UTRN: variants seen among roughly 807,000 people sequenced by gnomAD.
UTRN encodes dystrophin-related protein 1.
Under a neutral mutation model 463.9 loss-of-function variants are expected in UTRN, and 283 were observed. The ratio of observed to expected loss-of-function variants is 0.61; its 90% CI spans 0.55 to 0.67. UTRN has a LOEUF of 0.67. UTRN is among the 30% of genes least tolerant of loss of function. The probability of loss-of-function intolerance (pLI) is 0.00; values close to 1 mark genes in which losing one functional copy is unlikely to be tolerated. For synonymous variants in UTRN, 1,442 were observed against 1,431.5 expected, an observed-to-expected ratio of 1.01 and a Z score of -0.17; for missense variants, 3,922 against 4,084.3, an observed-to-expected ratio of 0.96 and a Z score of 1.08.
chr6:144,420,203 A>G (rs903335847), intron 3 of UTRN, among the ~76,000 whole-genome samples: 1 of 152,242 alleles, frequency 6.6e-6, no homozygotes, highest in African/African-American at 2.4e-5. Flanking sequence ...TATTATTGAC[A>G]GGAAGTGGGA....
chr6:144,531,997 C>T (rs1797103162), intron 42 of UTRN, among the ~76,000 whole-genome samples: 1 of 151,970 alleles, frequency 6.6e-6, no homozygotes, highest in Non-Finnish European at 1.5e-5. Flanking sequence ...ATTAGCCGGG[C>T]ATGGTGGAAC....
intron 66 of UTRN, among the ~76,000 whole-genome samples, chr6:144,824,127 A>G (rs1779832162): frequency 6.6e-6 from 1 of 152,108 alleles, no homozygotes; most frequent in African/African-American, 2.4e-5. Flanking sequence ...GGGGTGGAAA[A>G]CTATCAACAA....
intron 58 of UTRN, among the ~76,000 whole-genome samples, chr6:144,768,829 A>G (rs1349714135): frequency 6.6e-6 from 1 of 151,788 alleles, no homozygotes; most frequent in East Asian, 1.9e-4. Context: ...GACCTTCACA[A>G]TTTTTCCCTG....
At chr6:144,467,550 C>T (rs1790083528) in intron 23 of UTRN, among the ~76,000 whole-genome samples, 1 of 152,090 alleles carries the variant, frequency 6.6e-6, no homozygotes, top group African/African-American at 2.4e-5. Context: ...GTAGTCATGC[C>T]TCTTCCTTCA....
chr6:144,790,648 G>A (rs1382609658), intron 62 of UTRN, among the ~76,000 whole-genome samples: 1 of 152,198 alleles, frequency 6.6e-6, no homozygotes, highest in Non-Finnish European at 1.5e-5. Context: ...CTTTTGCTTT[G>A]TGGCACTTTA....
intron 51 of UTRN, among the ~76,000 whole-genome samples, chr6:144,609,027 C>G (rs143107434): frequency 7.3e-4 from 111 of 152,246 alleles, no homozygotes; most frequent in African/African-American, 2.5e-3. Flanking sequence ...GCAATTCTTA[C>G]CTATCAGTAA....
intron 51 of UTRN, among the ~76,000 whole-genome samples, chr6:144,619,467 C>A (rs1585601706): frequency 1.3e-5 from 2 of 152,128 alleles, no homozygotes; most frequent in South Asian, 2.1e-4. Context: ...AACTTTACAA[C>A]CTCTTAAACC....
rs113560263 is a variant in UTRN at position 144,553,654 on chromosome 6, T to G, written c.6929-1034T>G. On this transcript the variant is annotated intron_variant, in intron 48 of 74. Transcript: ENST00000367545. ...GTTTCCAGCCGGGTGCGTTGGCTCA[T>G]GCCTGTAATCCCAACACTTTGGGAG... Among the ~76,000 whole-genome samples the G allele has an allele frequency of 5.9e-3, 898 of 152,248 alleles. 13 individuals are homozygous for G. Among genetic ancestry groups the G allele is most frequent in the African/African-American group, 0.019 (801 of 41,554 alleles).
At chr6:144,512,412 G>A (rs1184246881) in intron 35 of UTRN, among the ~76,000 whole-genome samples, 3 of 152,040 alleles carry the variant, frequency 2.0e-5, no homozygotes, top group African/African-American at 7.2e-5. Flanking sequence ...GCACTCATCA[G>A]TTCTTCCTAC....
intron 52 of UTRN, among the ~76,000 whole-genome samples, chr6:144,687,955 TG>T (rs2128690105): frequency 6.6e-6 from 1 of 152,344 alleles, no homozygotes; most frequent in South Asian, 2.1e-4. Flanking sequence ...CAAAACTATT[TG>T]GTTTTTCTTC....
chr6:144,772,850 TAA>T (rs2128733880), intron 59 of UTRN, among the ~76,000 whole-genome samples: 1 of 152,280 alleles, frequency 6.6e-6, no homozygotes, highest in South Asian at 2.1e-4. Context: ...GCGGTTTTTT[TAA>T]GTTTTCTCTT....
chr6:144,678,775 C>A (rs551020971), intron 52 of UTRN, among the ~76,000 whole-genome samples, 197 bp downstream of exon 52: 1 of 152,134 alleles, frequency 6.6e-6, no homozygotes, highest in Admixed American at 6.6e-5. Flanking sequence ...TTTCTGCCAC[C>A]TGTTCTAGAC....
chr6:144,651,496 G>T (rs551760267), intron 51 of UTRN, among the ~76,000 whole-genome samples: 19 of 152,268 alleles, frequency 1.2e-4, no homozygotes, highest in African/African-American at 4.6e-4. Flanking sequence ...TTTCGAGAGT[G>T]TTATTCTTTC....
intron 66 of UTRN, among the ~76,000 whole-genome samples, 169 bp downstream of exon 66, chr6:144,821,187 A>G (rs1779568115): frequency 6.6e-6 from 1 of 152,192 alleles, no homozygotes; most frequent in Non-Finnish European, 1.5e-5. Context: ...CACTTTTGAC[A>G]ATGTCACAGC....
At chr6:144,685,431 T>G (rs1039261067) in intron 52 of UTRN, among the ~76,000 whole-genome samples, 20 of 152,174 alleles carry the variant, frequency 1.3e-4, no homozygotes, top group African/African-American at 2.2e-4. Flanking sequence ...TGGATGTACT[T>G]TTAGTTCTTT....
rs576510064 is a variant in UTRN, at chr6:144,470,846, G to A, written c.3067-2874G>A. 1.8e-3 allele frequency among the ~76,000 whole-genome samples: 277 copies of A among 152,012 alleles called. 1 individual carries two copies. Among genetic ancestry groups the A allele is most frequent in the African/African-American group, 6.4e-3 (265 of 41,446 alleles). ...TGGAGACCAGCCCGGCCAACACGGCGAAACCCCGTCTCCACCAAAAAATAC... is the reference window on the plus strand; with the variant it reads ...TGGAGACCAGCCCGGCCAACACGGCAAAACCCCGTCTCCACCAAAAAATAC... On this transcript the variant is annotated intron_variant, in intron 23 of 74. Transcript: ENST00000367545.
intron 25 of UTRN, among the ~76,000 whole-genome samples, chr6:144,479,114 GTTTTTTTTTTTTT>G (rs36044387): frequency 8.7e-6 from 1 of 114,786 alleles, no homozygotes; most frequent in South Asian, 2.9e-4. Context: ...GCTTCTAGGG[GTTTTTTTTTTTTT>G]TTTTTTTTTG....
chr6:144,827,452 C>T, intron 67 of UTRN, 66 bp downstream of exon 67: 1 of 1,608,648 alleles, frequency 6.2e-7, no homozygotes, highest in Non-Finnish European at 8.5e-7. Flanking sequence ...GGGGGTCTTA[C>T]TAAACTCTTG....
chr6:144,681,060 C>T (rs1361338502), intron 52 of UTRN, among the ~76,000 whole-genome samples: 1 of 152,086 alleles, frequency 6.6e-6, no homozygotes, highest in Non-Finnish European at 1.5e-5. Context: ...CTCGGATGAG[C>T]CTGTTCTGAA....
Sources: gnomAD v4.1 joint callset for allele counts (sites outside exome capture counted in the v4.1 genomes callset) on GRCh38, gnomAD v4.1.1 for gene constraint, MANE v1.5 for transcripts, NCBI Gene and HGNC (gene_info 2026-07-23, HGNC 2026-07-21) for gene names.